Variants in SAMD4A observed in about 807,000 individuals in gnomAD.
SAMD4A encodes the protein sterile alpha motif domain containing 4A, also known as protein Smaug homolog 1.
SAMD4A carries 33 observed loss-of-function variants against 81.3 expected under a neutral mutation model. The observed-to-expected ratio is 0.41, with a 90% CI of 0.31 to 0.54. The LOEUF is 0.54. Among genes scored for constraint, SAMD4A ranks in the 20% least tolerant of loss-of-function variants. The probability of loss-of-function intolerance (pLI) is 0.37; values close to 1 mark genes in which losing one functional copy is unlikely to be tolerated. For missense variants in SAMD4A, 854 were observed against 951.1 expected, an observed-to-expected ratio of 0.90 and a Z score of 1.34; for synonymous variants, 389 against 382.1, an observed-to-expected ratio of 1.02 and a Z score of -0.21.
At chr14:54,767,499 G>A (rs1210726080) in intron 8 of SAMD4A, among the ~76,000 whole-genome samples, 2 of 152,210 alleles carry the variant, frequency 1.3e-5, no homozygotes, top group African/African-American at 2.4e-5. Context: ...GTGTCTTGAG[G>A]TGGCTCTGAG....
chr14:54,770,249 T>C (rs2038664776), intron 9 of SAMD4A, 27 bp downstream of exon 9: 10 of 1,484,950 alleles, frequency 6.7e-6, no homozygotes, highest in Non-Finnish European at 9.4e-6. Flanking sequence ...TTCTTTGTAA[T>C]GCGTAGTGGT....
At position 54,792,688 on chromosome 14, in the gene SAMD4A, T is replaced by A. The variant is rs2039279777; in HGVS notation, c.*3744T>A. ...GAAGGATAATTTGCACATGGAGCTGTGATAACACTAATGTTGATTTTTTTT... is the reference window on the plus strand; with the variant it reads ...GAAGGATAATTTGCACATGGAGCTGAGATAACACTAATGTTGATTTTTTTT... On this transcript the variant is annotated 3_prime_UTR_variant, in exon 13 of 13. Coordinates refer to ENST00000554335, the MANE Select transcript of SAMD4A (RefSeq NM_015589.6). 1 of 150,216 alleles carries A rather than the reference T, an allele frequency of 6.7e-6. No individual in the cohort carries two copies. The highest frequency in any genetic ancestry group is 1.5e-5 in the Non-Finnish European group (1 of 67,974). The allele number at this position is 150,216 out of a possible 1,614,324, so 9.3% of individuals were successfully genotyped here.
At chr14:54,622,120 G>A (rs1347102049) in intron 2 of SAMD4A, among the ~76,000 whole-genome samples, 1 of 152,112 alleles carries the variant, frequency 6.6e-6, no homozygotes, top group Non-Finnish European at 1.5e-5. Flanking sequence ...TTTTGTGGTA[G>A]GGACACCAGG....
intron 2 of SAMD4A, among the ~76,000 whole-genome samples, chr14:54,611,067 A>G (rs1039272345): frequency 1.3e-5 from 2 of 152,254 alleles, no homozygotes; most frequent in Non-Finnish European, 2.9e-5. Context: ...TCAAGGCTAT[A>G]TATAATAATG....
chr14:54,772,427 C>T (rs750686063), intron 9 of SAMD4A, among the ~76,000 whole-genome samples: 4 of 152,150 alleles, frequency 2.6e-5, no homozygotes, highest in African/African-American at 4.8e-5. Flanking sequence ...TAATAACCCT[C>T]GAAGGGTCCC....
chr14:54,727,842 G>T (rs558126268), intron 3 of SAMD4A, among the ~76,000 whole-genome samples: 2 of 152,186 alleles, frequency 1.3e-5, no homozygotes, highest in South Asian at 2.1e-4. Context: ...AGACACACAC[G>T]CACTACCTAG....
chr14:54,724,098 A>G (rs1315687891), intron 3 of SAMD4A, among the ~76,000 whole-genome samples: 1 of 151,848 alleles, frequency 6.6e-6, no homozygotes, highest in African/African-American at 2.4e-5. Context: ...CAACCCCGGT[A>G]GGTAGGTGGA....
chr14:54,726,866 G>A (rs938111964), intron 3 of SAMD4A, among the ~76,000 whole-genome samples: 1 of 152,150 alleles, frequency 6.6e-6, no homozygotes, highest in African/African-American at 2.4e-5. Context: ...GGAAGGTGGA[G>A]TGAAGAGTTT....
At chr14:54,570,747 T>C (rs187092185) in intron 2 of SAMD4A, among the ~76,000 whole-genome samples, 3 of 152,354 alleles carry the variant, frequency 2.0e-5, no homozygotes, top group Non-Finnish European at 2.9e-5. Flanking sequence ...ATACACTCTT[T>C]AAGAAGAGAA....
At chr14:54,710,223 T>C (rs1259360862) in intron 3 of SAMD4A, among the ~76,000 whole-genome samples, 1 of 152,188 alleles carries the variant, frequency 6.6e-6, no homozygotes, top group African/African-American at 2.4e-5. Context: ...GTATTTATTT[T>C]ATTAATCTTG....
chr14:54,576,014 T>C (rs1373907235), intron 2 of SAMD4A, among the ~76,000 whole-genome samples: 64 of 12,936 alleles, frequency 4.9e-3, no homozygotes, highest in African/African-American at 9.0e-3. Flanking sequence ...TTTTTTTTTT[T>C]TTTTTTTTTT....
At chr14:54,627,345 G>A (rs936986210) in intron 2 of SAMD4A, among the ~76,000 whole-genome samples, 1 of 152,128 alleles carries the variant, frequency 6.6e-6, no homozygotes, top group Non-Finnish European at 1.5e-5. Context: ...TTTCAAAGAC[G>A]CAGCTTGTCC....
In SAMD4A at chr14:54,681,859, C is replaced by T. The variant is rs1006065224; in HGVS notation, c.197-20203C>T. 27 of 985,128 alleles carry T rather than the reference C, an allele frequency of 2.7e-5. No homozygotes were observed. The Admixed American group carries it at 1.4e-3, about 49-fold the overall frequency. 61.0% of individuals were successfully genotyped at this position (985,128 alleles called of 1,614,324 possible). A position where few individuals can be genotyped will look rare whatever the true frequency, so the allele number is the denominator to read the frequency against. ...AATTGGAACTCTCCCAAAAGATAAG[C>T]GGTTTAAGTAAGCTGTGACAGACCA... On this transcript the variant is annotated intron_variant, in intron 2 of 12. Transcript: ENST00000554335.
chr14:54,723,723 CT>C (rs57863384), intron 3 of SAMD4A, among the ~76,000 whole-genome samples: 16,619 of 152,182 alleles, frequency 0.11, 1,023 homozygotes, highest in East Asian at 0.24. Flanking sequence ...ATAGAAAATA[CT>C]GTTTGCATCT....
chr14:54,621,448 G>A (rs1194710101), intron 2 of SAMD4A, among the ~76,000 whole-genome samples: 1 of 152,102 alleles, frequency 6.6e-6, no homozygotes, highest in South Asian at 2.1e-4. Context: ...CCGCTAGGCT[G>A]AAGTGATTCT....
At chr14:54,655,092 T>C (rs1370527926) in intron 2 of SAMD4A, among the ~76,000 whole-genome samples, 1 of 152,242 alleles carries the variant, frequency 6.6e-6, no homozygotes, top group Non-Finnish European at 1.5e-5. Context: ...ATTTTTATCA[T>C]GTATTTTATG....
At chr14:54,759,764 C>T (rs1041497565) in intron 6 of SAMD4A, among the ~76,000 whole-genome samples, 1 of 152,146 alleles carries the variant, frequency 6.6e-6, no homozygotes, top group African/African-American at 2.4e-5. Context: ...CTATTTCATC[C>T]AGAACATACA....
chr14:54,652,731 A>G (rs2035431861), intron 2 of SAMD4A: 1 of 152,058 alleles, frequency 6.6e-6, no homozygotes, highest in African/African-American at 2.4e-5. Flanking sequence ...GTGTTCACAC[A>G]GCAGAAAATG....
rs2038030414 is a variant in SAMD4A at position 54,748,888 on chromosome 14, G to A, written c.1053G>A (p.Glu351=). 6 of 1,554,826 alleles carry A rather than the reference G, an allele frequency of 3.9e-6. No individual in the cohort carries two copies. The South Asian group carries it at 5.9e-5, about 15-fold the overall frequency. Residue 351 remains glutamate, a synonymous_variant, in exon 5 of 13, where the codon GAG becomes GAA. Transcript: ENST00000554335. ...AALFSQMTYE[E]MMALTECQLE... is the part of the protein sequence containing the mutation. ...TTTTCTCCCAGATGACCTATGAGGA[G>A]ATGATGGCCCTCACCGAGTGCCAGC...
Sources: gnomAD v4.1 joint callset for allele counts (sites outside exome capture counted in the v4.1 genomes callset) on GRCh38, gnomAD v4.1.1 for gene constraint, MANE v1.5 for transcripts, NCBI Gene and HGNC (gene_info 2026-07-23, HGNC 2026-07-21) for gene names.